The following CCR5AS variants were observed in gnomAD, a reference collection of about 807,000 sequenced individuals.
CCR5AS encodes the protein CCR5 antisense RNA.
At chr3:46,381,828 T>C (rs1311509240) in intron 2 of CCR5AS, among the ~76,000 whole-genome samples, 1 of 152,182 alleles carries the variant, frequency 6.6e-6, no homozygotes, top group Non-Finnish European at 1.5e-5. Context: ...TCAGACTGAC[T>C]CGAGTTCCAG....
intron 2 of CCR5AS, chr3:46,373,020 G>A: frequency 1.2e-6 from 2 of 1,614,146 alleles, no homozygotes; most frequent in Non-Finnish European, 1.7e-6. Flanking sequence ...CTACTCACTG[G>A]TGTTCATCTT....
At chr3:46,401,324 C>T (rs1290101426) in intron 1 of CCR5AS, among the ~76,000 whole-genome samples, 1 of 152,178 alleles carries the variant, frequency 6.6e-6, no homozygotes, top group Non-Finnish European at 1.5e-5. Context: ...GAAAATGATG[C>T]CCTTCCTTCC....
intron 2 of CCR5AS, among the ~76,000 whole-genome samples, chr3:46,391,969 A>G (rs1004866640): frequency 1.3e-5 from 2 of 152,168 alleles, no homozygotes; most frequent in Admixed American, 6.5e-5. Flanking sequence ...GAGACTAGAG[A>G]GGGACTGATG....
chr3:46,364,056 G>A (rs1384562147), downstream of CCR5AS, among the ~76,000 whole-genome samples: 1 of 152,260 alleles, frequency 6.6e-6, no homozygotes, highest in Non-Finnish European at 1.5e-5. Context: ...CAAGTGCAAA[G>A]GGAGAAGCTG....
intron 2 of CCR5AS, among the ~76,000 whole-genome samples, chr3:46,388,508 G>A (rs532646764): frequency 1.3e-5 from 2 of 152,156 alleles, no homozygotes; most frequent in Non-Finnish European, 2.9e-5. Flanking sequence ...GTGCCCAAGG[G>A]GGTTCAGCAT....
chr3:46,370,139 T>C (rs1701642584), intron 3 of CCR5AS, among the ~76,000 whole-genome samples: 1 of 152,192 alleles, frequency 6.6e-6, no homozygotes, highest in Admixed American at 6.5e-5. Context: ...AAATTTCTCA[T>C]AGCTTCAGAT....
downstream of CCR5AS, among the ~76,000 whole-genome samples, chr3:46,364,051 G>A (rs1701578172): frequency 6.6e-6 from 1 of 152,260 alleles, no homozygotes; most frequent in South Asian, 2.1e-4. Context: ...AGCAGCAAGT[G>A]CAAAGGGAGA....
At chr3:46,384,140 T>C (rs1020099221) in intron 2 of CCR5AS, among the ~76,000 whole-genome samples, 22 of 152,350 alleles carry the variant, frequency 1.4e-4, no homozygotes, top group Admixed American at 1.4e-3. Flanking sequence ...CTTCCTGTTT[T>C]GTGGTGAAAT....
chr3:46,395,644 T>C (rs1177169342), intron 1 of CCR5AS, among the ~76,000 whole-genome samples: 1 of 152,088 alleles, frequency 6.6e-6, no homozygotes, highest in Non-Finnish European at 1.5e-5. Context: ...CTCTGCCCAC[T>C]CATGGCAAAG....
intron 1 of CCR5AS, among the ~76,000 whole-genome samples, chr3:46,394,918 G>A (rs965326109): frequency 6.6e-6 from 1 of 152,178 alleles, no homozygotes; most frequent in African/African-American, 2.4e-5. Flanking sequence ...GGCATGGGTG[G>A]AGAGGAGTTT....
At chr3:46,395,703 G>GC (rs1559575543) in intron 1 of CCR5AS, among the ~76,000 whole-genome samples, 2 of 152,140 alleles carry the variant, frequency 1.3e-5, no homozygotes, top group Admixed American at 1.3e-4. Context: ...CACAACTTCT[G>GC]CCCCCAAGCC....
rs370386700 is a variant in CCR5AS at position 46,376,007 on chromosome 3, G to A, written n.392-4590C>T. 4.2e-5 allele frequency: 7 copies of A among 167,160 alleles called. No individual in the cohort carries two copies. In the East Asian group the frequency reaches 7.7e-4, roughly 18 times the overall value. 10.4% of individuals were successfully genotyped at this position (167,160 alleles called of 1,614,324 possible). A position where few individuals can be genotyped will look rare whatever the true frequency, so the allele number is the denominator to read the frequency against. On this transcript the variant is annotated intron_variant and non_coding_transcript_variant, in intron 2 of 3. Coordinates refer to ENST00000451485, the Ensembl canonical transcript of CCR5AS. ...AATATGAACGGTGAGCATTGTGGCT[G>A]TCAGCAGGAAGCAACGAAGGGAAAT...
At chr3:46,367,845 T>C (rs1211364532) in intron 3 of CCR5AS, among the ~76,000 whole-genome samples, 1 of 152,226 alleles carries the variant, frequency 6.6e-6, no homozygotes, top group Non-Finnish European at 1.5e-5. Flanking sequence ...GTGCTGGGAT[T>C]ATAGGCATGA....
chr3:46,370,604 A>T (rs1490375963), intron 3 of CCR5AS, among the ~76,000 whole-genome samples: 1 of 152,184 alleles, frequency 6.6e-6, no homozygotes, highest in African/African-American at 2.4e-5. Context: ...TGCTTCTTGG[A>T]TAGTAATTTC....
chr3:46,405,592 G>T (rs1702037156), intron 1 of CCR5AS, among the ~76,000 whole-genome samples: 1 of 152,110 alleles, frequency 6.6e-6, no homozygotes, highest in Non-Finnish European at 1.5e-5. Context: ...GCTGATCCCA[G>T]GCTGTAGGGG....
rs149650121 is a variant in CCR5AS, at chr3:46,383,198, G to T, written n.391+9627C>A. On this transcript the variant is annotated intron_variant and non_coding_transcript_variant, in intron 2 of 3. Coordinates refer to ENST00000451485, the Ensembl canonical transcript of CCR5AS. ...CAGCATGATTTTGTAAGTAATGGAT[G>T]GAAAGGGCCTCACAACTTTATGGCA... Among the ~76,000 whole-genome samples, 256 of 152,290 alleles carry T rather than the reference G, an allele frequency of 1.7e-3. 1 individual carries two copies. The highest frequency in any genetic ancestry group is 5.7e-3 in the African/African-American group (236 of 41,558).
rs577784555 is a variant in CCR5AS at position 46,385,994 on chromosome 3, C to G, written n.391+6831G>C. On this transcript the variant is annotated intron_variant and non_coding_transcript_variant, in intron 2 of 3. Transcript: ENST00000451485. Reference sequence around the variant, plus strand: ...TCTCACTTTGTTGGCTCGCTGCAACCTCTGCCTCCCAGGCTCAAGCAATCC... The same window carrying G: ...TCTCACTTTGTTGGCTCGCTGCAACGTCTGCCTCCCAGGCTCAAGCAATCC... Among the ~76,000 whole-genome samples the G allele has an allele frequency of 5.9e-3, 892 of 152,262 alleles. 5 individuals are homozygous for G. Among genetic ancestry groups the G allele is most frequent in the Non-Finnish European group, 0.01 (708 of 68,024 alleles).
intron 2 of CCR5AS, chr3:46,392,769 AG>A (rs1397595279): frequency 6.2e-6 from 1 of 160,702 alleles, no homozygotes; most frequent in Non-Finnish European, 1.3e-5. Context: ...TTTGAAGGAC[AG>A]GGAGATTGAA....
intron 2 of CCR5AS, among the ~76,000 whole-genome samples, chr3:46,378,560 A>G (rs984629217): frequency 2.6e-5 from 4 of 152,212 alleles, no homozygotes; most frequent in African/African-American, 7.2e-5. Context: ...GCGAGGCCAC[A>G]TTGGCAAACC....
Sources: gnomAD v4.1 joint callset for allele counts (sites outside exome capture counted in the v4.1 genomes callset) on GRCh38, gnomAD v4.1.1 for gene constraint, MANE v1.5 for transcripts, NCBI Gene and HGNC (gene_info 2026-07-23, HGNC 2026-07-21) for gene names.